Variants in LIPH observed in about 807,000 individuals in gnomAD.
The protein encoded by LIPH is lipase member H.
In LIPH, 32 loss-of-function variants were observed where a neutral mutation model predicts 47.6. That is an observed-to-expected ratio of 0.67 (90% CI 0.51 to 0.90). The LOEUF is 0.90. Among genes scored for constraint, LIPH ranks in the 40% least tolerant of loss-of-function variants. LIPH has a pLI of 0.00. For missense variants in LIPH, 497 were observed against 541.4 expected, an observed-to-expected ratio of 0.92 and a Z score of 0.81; for synonymous variants, 190 against 195.6, an observed-to-expected ratio of 0.97 and a Z score of 0.24.
chr3:185,539,662 C>T (rs758411699), intron 1 of LIPH, among the ~76,000 whole-genome samples: 8 of 152,114 alleles, frequency 5.3e-5, no homozygotes, highest in Admixed American at 1.3e-4. Context: ...TGAGCCACCA[C>T]GCCCGGCCGC....
intron 7 of LIPH, among the ~76,000 whole-genome samples, chr3:185,515,657 C>A (rs2148948263): frequency 6.6e-6 from 1 of 152,252 alleles, no homozygotes; most frequent in Admixed American, 6.5e-5. Context: ...TACAGGCAAG[C>A]ACCACCACGC....
intron 1 of LIPH, among the ~76,000 whole-genome samples, chr3:185,545,419 T>C (rs1460750153): frequency 6.6e-6 from 1 of 152,266 alleles, no homozygotes; most frequent in African/African-American, 2.4e-5. Context: ...TGCAATTTAA[T>C]GCATGGTCGC....
Position 185,552,455 on chromosome 3 carries a change from A to T in LIPH, c.17T>A (p.Leu6Ter). The T allele has an allele frequency of 6.2e-7, 1 of 1,609,176 alleles. No homozygotes were observed. Among genetic ancestry groups the T allele is most frequent in the African/African-American group, 1.3e-5 (1 of 74,968 alleles). ...TGACAAGCACAACAAACTGATGAAT[A>T]AGTAGAATCTCAACATATGGAAACT... MLRFY[L>*]FISLLCLSRS... is the part of the protein sequence containing the mutation. Residue 6 changes from leucine to a stop codon, truncating the protein, a stop_gained, in exon 1 of 10, where the codon TTA becomes TAA. Transcript: ENST00000296252. LOFTEE classifies it high-confidence loss of function.
intron 1 of LIPH, among the ~76,000 whole-genome samples, chr3:185,543,588 G>A (rs1199358909): frequency 6.6e-6 from 1 of 152,148 alleles, no homozygotes; most frequent in African/African-American, 2.4e-5. Context: ...CTGAGAACAG[G>A]CTGGATATAA....
At chr3:185,536,159 C>T (rs1203966340) in intron 1 of LIPH, among the ~76,000 whole-genome samples, 1 of 152,166 alleles carries the variant, frequency 6.6e-6, no homozygotes, top group East Asian at 1.9e-4. Flanking sequence ...TGTGTCTATC[C>T]TGCTAGAACA....
intron 1 of LIPH, among the ~76,000 whole-genome samples, chr3:185,544,438 C>G (rs1339097920): frequency 2.0e-5 from 3 of 151,962 alleles, no homozygotes; most frequent in African/African-American, 7.3e-5. Context: ...ACTGCAAACT[C>G]TGCCTCCCAA....
intron 1 of LIPH, among the ~76,000 whole-genome samples, chr3:185,537,966 C>G (rs1720552223): frequency 6.6e-6 from 1 of 152,114 alleles, no homozygotes. Context: ...ATCACCATGT[C>G]TGGCTAATTT....
rs150268336 is a variant in LIPH, at chr3:185,517,108, G to A, written c.941C>T (p.Thr314Met). ...CTCAGCTGTGTCAAAGAATGCCTTC[G>A]TCATTGGAGGATCTTTCCCCCTTAG... The part of the protein sequence containing the change: ...DHLRGKDPPM[T>M]KAFFDTAEES... The change falls in exon 7 of 10, where the codon ACG becomes ATG. Residue 314 changes from threonine (T) to methionine (M), a missense_variant. Thr to Met is a moderately conservative substitution (Grantham distance 81, BLOSUM62 -1). Transcript: ENST00000296252. The A allele has an allele frequency of 5.9e-5, 95 of 1,612,926 alleles. 1 individual carries two copies. Among genetic ancestry groups the A allele is most frequent in the African/African-American group, 3.2e-4 (24 of 75,028 alleles).
chr3:185,535,338 G>A (rs1045628094), intron 1 of LIPH, among the ~76,000 whole-genome samples: 21 of 152,224 alleles, frequency 1.4e-4, no homozygotes, highest in South Asian at 8.3e-4. Flanking sequence ...GTGCAGTGGC[G>A]CAATATCAGC....
At chr3:185,540,650 G>A (rs1243984861) in intron 1 of LIPH, among the ~76,000 whole-genome samples, 5 of 147,936 alleles carry the variant, frequency 3.4e-5, no homozygotes, top group Non-Finnish European at 4.5e-5. Flanking sequence ...CCAGGGAGGC[G>A]GAGGTTGCAG....
At chr3:185,532,739 G>A (rs562357878) in intron 3 of LIPH, among the ~76,000 whole-genome samples, 1 of 152,172 alleles carries the variant, frequency 6.6e-6, no homozygotes, top group Non-Finnish European at 1.5e-5. Context: ...GCAGTGACCC[G>A]AGATTGCACC....
In LIPH at chr3:185,550,848, A is replaced by G. The variant is rs1266718204; in HGVS notation, c.49+1575T>C. ...CTTTCAGAGTGCTGGGATTATAGGC[A>G]TGAGCCACTGCGCCTGACCATTTAT... On this transcript the variant is annotated intron_variant, in intron 1 of 9. Coordinates refer to ENST00000296252, the MANE Select transcript of LIPH (RefSeq NM_139248.3). 2.6e-5 allele frequency among the ~76,000 whole-genome samples: 4 copies of G among 152,134 alleles called. No homozygotes were observed. In the South Asian group the frequency reaches 6.2e-4, roughly 24 times the overall value.
intron 6 of LIPH, among the ~76,000 whole-genome samples, chr3:185,518,814 T>G (rs1189329393): frequency 6.6e-6 from 1 of 152,122 alleles, no homozygotes; most frequent in African/African-American, 2.4e-5. Context: ...CTCAACCTCC[T>G]GGGCTCAAGT....
intron 5 of LIPH, among the ~76,000 whole-genome samples, chr3:185,521,279 GTTATAC>G (rs1719894030): frequency 6.6e-6 from 1 of 152,190 alleles, no homozygotes; most frequent in East Asian, 1.9e-4. Context: ...GTTCTGAACT[GTTATAC>G]TATACTGAAC....
rs998645195 is a variant in LIPH at position 185,524,233 on chromosome 3, T to G, written c.629-73A>C. 12 of 852,128 alleles carry G rather than the reference T, an allele frequency of 1.4e-5. No homozygotes were observed. The South Asian group carries it at 1.6e-4, about 12-fold the overall frequency. The allele number at this position is 852,128 out of a possible 1,614,324, so 52.8% of individuals were successfully genotyped here. ...TCTCACAGCTCATTTGCCTGCCAGG[T>G]ATAAGCAGGAATTGTATTATTATTG... On this transcript the variant is annotated intron_variant, in intron 4 of 9. Coordinates refer to ENST00000296252, the MANE Select transcript of LIPH (RefSeq NM_139248.3).
chr3:185,533,635 A>T lies in LIPH; in HGVS notation c.462T>A (p.Ser154Arg). ...CAAACCCAGATATGTGGGCTCCTAG[A>T]CTTACTCCGATCATGTAAATGTCAT... is the stretch of plus-strand genomic sequence containing the variant. ...SLDDIYMIGV[S>R]LGAHISGFVG... Residue 154 changes from serine (S) to arginine (R), a missense_variant, in exon 3 of 10, where the codon AGT (serine) becomes AGA (arginine). Coordinates refer to ENST00000296252, the MANE Select transcript of LIPH (RefSeq NM_139248.3). 1.2e-6 allele frequency: 2 copies of T among 1,613,950 alleles called. No homozygotes were observed. Among genetic ancestry groups the T allele is most frequent in the Non-Finnish European group, 1.7e-6 (2 of 1,179,886 alleles).
At chr3:185,519,331 GA>G in intron 5 of LIPH, 22 bp from the exon 6 acceptor site, 1 of 1,566,346 alleles carries the variant, frequency 6.4e-7, no homozygotes, top group Non-Finnish European at 8.8e-7. Flanking sequence ...AAGAAGTGAT[GA>G]AAGAGTAGAG....
chr3:185,514,778 G>C (rs1290620950), intron 7 of LIPH, among the ~76,000 whole-genome samples: 1 of 152,144 alleles, frequency 6.6e-6, no homozygotes, highest in East Asian at 1.9e-4. Context: ...GTGTTTCCAG[G>C]TATTGTGAAG....
At position 185,522,649 on chromosome 3, in the gene LIPH, A is replaced by AAAG. The variant is rs55836109; in HGVS notation, c.718+1421_718+1422insCTT. Among the ~76,000 whole-genome samples, 503 of 92,064 alleles carry AAAG rather than the reference A, an allele frequency of 5.5e-3. 5 individuals are homozygous for AAAG. Among genetic ancestry groups the AAAG allele is most frequent in the Non-Finnish European group, 8.2e-3 (378 of 46,264 alleles). The allele number at this position is 92,064 out of a possible 152,430, so 60.4% of individuals were successfully genotyped here. On this transcript the variant is annotated intron_variant, in intron 5 of 9. Transcript: ENST00000296252. ...AAAGAAGGAAAAGAAAGAGAGAAAG[A>AAAG]AAAAGAAAGAAAGAAAGAAAGAAAG...
Sources: gnomAD v4.1 joint callset for allele counts (sites outside exome capture counted in the v4.1 genomes callset) on GRCh38, gnomAD v4.1.1 for gene constraint, MANE v1.5 for transcripts, NCBI Gene and HGNC (gene_info 2026-07-23, HGNC 2026-07-21) for gene names.